The following BUD13 variants were observed in gnomAD, a reference collection of about 807,000 sequenced individuals.
The protein encoded by BUD13 is BUD13 spliceosome associated protein.
A neutral mutation model predicts 62.5 loss-of-function variants in BUD13; 47 were observed. The observed-to-expected ratio is 0.75, with a 90% confidence interval of 0.60 to 0.96. The LOEUF (loss-of-function observed/expected upper bound fraction) is 0.96, where lower values mean the gene tolerates loss of function less well. Among genes scored for constraint, BUD13 ranks in the 40% least tolerant of loss-of-function variants. BUD13 has a pLI of 0.00. For missense variants in BUD13, 821 were observed against 790.9 expected, an observed-to-expected ratio of 1.04 and a Z score of -0.46; for synonymous variants, 293 against 280.1, an observed-to-expected ratio of 1.05 and a Z score of -0.46.
Position 116,772,854 on chromosome 11 carries a change from C to A in BUD13, c.111G>T (p.Lys37Asn). The A allele has an allele frequency of 6.3e-7, 1 of 1,589,714 alleles. No individual in the cohort carries two copies. Among genetic ancestry groups the A allele is most frequent in the Non-Finnish European group, 8.5e-7 (1 of 1,169,978 alleles). Reference protein sequence around the residue: ...GSESGRKRRKKRPKPGGAGGK... With the variant: ...GSESGRKRRKNRPKPGGAGGK... ...CGCCGGCCCCGCCAGGCTTCGGCCG[C>A]TTTTTGCGACGCTTGCGACCGGACT... The change falls in exon 1 of 10, where the codon AAG (lysine) becomes AAT (asparagine). Residue 37 changes from lysine (K) to asparagine (N), a missense_variant. By Grantham distance (94) the Lys-to-Asn change is moderately conservative. This residue lies in a region of BUD13 where 800 missense variants were observed against 739.2 expected (regional missense o/e 1.08). Transcript: ENST00000260210.
rs1426918984 is a variant in BUD13, at chr11:116,763,331, CCA to C, written c.323-67_323-66del. On this transcript the variant is annotated intron_variant, in intron 3 of 9. Coordinates refer to ENST00000260210, the MANE Select transcript of BUD13 (RefSeq NM_032725.4). ...TCTGTCCCTCTGTCCACCCCCACAC[CCA>C]GTTTCAAAAGATGCTCCAGTAGCAC... 5 of 1,427,190 alleles carry C rather than the reference CCA, an allele frequency of 3.5e-6. No individual in the cohort carries two copies. In the African/African-American group the frequency reaches 5.7e-5, roughly 16 times the overall value. The allele number at this position is 1,427,190 out of a possible 1,614,324, so 88.4% of individuals were successfully genotyped here.
At position 116,764,269 on chromosome 11, in the gene BUD13, G is replaced by A. The variant is rs1354963174; in HGVS notation, c.323-1003C>T. The stretch of plus-strand genomic sequence containing the variant: ...ACAGCCCAAATACAAATAAAAGCTG[G>A]GTAGGAACTGATGAATACTTGTTAA... On this transcript the variant is annotated intron_variant, in intron 3 of 9. Coordinates refer to ENST00000260210, the MANE Select transcript of BUD13 (RefSeq NM_032725.4). Among the ~76,000 whole-genome samples the A allele has an allele frequency of 3.3e-5, 5 of 152,232 alleles. No homozygotes were observed. The South Asian group carries it at 8.3e-4, about 25-fold the overall frequency.
chr11:116,772,055 T>A (rs1940639834), intron 1 of BUD13, among the ~76,000 whole-genome samples: 1 of 152,236 alleles, frequency 6.6e-6, no homozygotes, highest in South Asian at 2.1e-4. Context: ...TTTTCCTTTG[T>A]TGCTGTGTCT....
At chr11:116,768,311 A>C (rs527963142) in intron 2 of BUD13, among the ~76,000 whole-genome samples, 167 of 152,316 alleles carry the variant, frequency 1.1e-3, no homozygotes, top group African/African-American at 4.0e-3. Context: ...ATACACTCAA[A>C]GAATATTTTA....
chr11:116,765,306 G>GA, intron 3 of BUD13, 56 bp downstream of exon 3: 1 of 1,555,006 alleles, frequency 6.4e-7, no homozygotes, highest in Non-Finnish European at 8.8e-7. Context: ...TATAGAAAAG[G>GA]AAAAAAGATC....
At chr11:116,766,744 G>A (rs556194967) in intron 2 of BUD13, among the ~76,000 whole-genome samples, 11 of 152,224 alleles carry the variant, frequency 7.2e-5, no homozygotes, top group African/African-American at 2.4e-4. Context: ...CATCATAATC[G>A]TTTTACCATT....
intron 9 of BUD13, among the ~76,000 whole-genome samples, chr11:116,754,139 T>C (rs1416586408): frequency 6.6e-6 from 1 of 152,212 alleles, no homozygotes; most frequent in Non-Finnish European, 1.5e-5. Flanking sequence ...TCGACCTCCC[T>C]GGGCTCAGTG....
chr11:116,770,904 C>T (rs1940616018), intron 1 of BUD13, among the ~76,000 whole-genome samples: 1 of 152,122 alleles, frequency 6.6e-6, no homozygotes, highest in South Asian at 2.1e-4. Context: ...AGTTATTCTC[C>T]CTACTCAGTC....
chr11:116,762,942 C>T lies in BUD13; in HGVS notation c.647G>A (p.Arg216Lys), dbSNP rs760983501. The T allele has an allele frequency of 1.3e-5, 21 of 1,614,010 alleles. No homozygotes were observed. The highest frequency in any genetic ancestry group is 1.8e-5 in the Non-Finnish European group (21 of 1,179,966). Residue 216 changes from arginine (R) to lysine (K), a missense_variant, in exon 4 of 10, where the codon AGG becomes AAG. By Grantham distance (26) the Arg-to-Lys change is conservative (BLOSUM62 2). This residue lies in a region of BUD13 where 800 missense variants were observed against 739.2 expected (regional missense o/e 1.08). Coordinates refer to ENST00000260210, the MANE Select transcript of BUD13 (RefSeq NM_032725.4). The stretch of plus-strand genomic sequence containing the variant: ...ATCTGGTGAATCATGACGGACTCTC[C>T]TAGGAGATGCACCTGAAGAATTATG... ...PQHNSSGASPRRVRHDSPDPS... is the reference protein window; with the variant it reads ...PQHNSSGASPKRVRHDSPDPS...
intron 5 of BUD13, 165 bp downstream of exon 5, chr11:116,760,570 C>A: frequency 1.5e-6 from 1 of 681,550 alleles, no homozygotes; most frequent in Non-Finnish European, 2.5e-6. Context: ...TGGGTTATAG[C>A]CAGTTTGCCT....
rs532088210 is a variant in BUD13, at chr11:116,767,607, A to G, written c.238-2161T>C. On this transcript the variant is annotated intron_variant, in intron 2 of 9. Coordinates refer to ENST00000260210, the MANE Select transcript of BUD13 (RefSeq NM_032725.4). The stretch of plus-strand genomic sequence containing the variant: ...GACTCCACCAAAAAAAAAAAAAAAA[A>G]AAAAAGAAACTGGATACCATTACTC... 7.1e-4 allele frequency among the ~76,000 whole-genome samples: 107 copies of G among 151,430 alleles called. 1 individual carries two copies. The East Asian group carries it at 0.02, about 29-fold the overall frequency.
chr11:116,758,559 C>A, intron 6 of BUD13, 152 bp from the exon 7 acceptor site: 1 of 661,766 alleles, frequency 1.5e-6, no homozygotes, highest in Non-Finnish European at 2.4e-6. Context: ...CATATTGGCA[C>A]TGGGCCCAAG....
At chr11:116,765,082 T>C (rs1425000569) in intron 3 of BUD13, among the ~76,000 whole-genome samples, 1 of 152,232 alleles carries the variant, frequency 6.6e-6, no homozygotes, top group Non-Finnish European at 1.5e-5. Context: ...AGTGCTCTCC[T>C]ATTCTGAGTC....
At chr11:116,762,341 T>G (rs965514964) in intron 4 of BUD13, among the ~76,000 whole-genome samples, 1 of 152,230 alleles carries the variant, frequency 6.6e-6, no homozygotes, top group African/African-American at 2.4e-5. Flanking sequence ...AAATAAATTG[T>G]ACTTTTATAT....
At chr11:116,753,264 G>A (rs535467557) in intron 9 of BUD13, among the ~76,000 whole-genome samples, 14 of 152,216 alleles carry the variant, frequency 9.2e-5, no homozygotes, top group South Asian at 6.2e-4. Flanking sequence ...AATTAGGGGG[G>A]AAATCTTGGA....
At chr11:116,757,994 T>C in intron 7 of BUD13, 44 bp from the exon 8 acceptor site, 12 of 1,604,786 alleles carry the variant, frequency 7.5e-6, no homozygotes, top group South Asian at 1.1e-5. Context: ...CTGTATGACA[T>C]TTCCACTTCT....
chr11:116,757,815 C>A lies in BUD13; in HGVS notation c.1635G>T (p.Met545Ile). Residue 545 changes from methionine to isoleucine, a missense_variant, in exon 8 of 10, where the codon ATG becomes ATT. This residue lies in a region of BUD13 where 800 missense variants were observed against 739.2 expected (regional missense o/e 1.08). Transcript: ENST00000260210. The part of the protein sequence containing the change: ...LREQEREGDP[M>I]ANFIKKNKAK... ...CCTTATTCTTCTTGATGAAGTTGGC[C>A]ATAGGGTCCCCCTCTCTTTCCTGTT... The A allele has an allele frequency of 6.2e-7, 1 of 1,614,022 alleles. No homozygotes were observed. The highest frequency in any genetic ancestry group is 8.5e-7 in the Non-Finnish European group (1 of 1,179,990).
intron 9 of BUD13, among the ~76,000 whole-genome samples, chr11:116,752,850 T>TA (rs1940261394): frequency 6.6e-6 from 1 of 152,126 alleles, no homozygotes; most frequent in Non-Finnish European, 1.5e-5. Context: ...AGCCTGGACT[T>TA]AAACTCCTGG....
At chr11:116,748,735 C>A (rs1940182177) in intron 9 of BUD13, among the ~76,000 whole-genome samples, 160 bp from the exon 10 acceptor site, 1 of 152,080 alleles carries the variant, frequency 6.6e-6, no homozygotes, top group South Asian at 2.1e-4. Context: ...CGCCTGTAAT[C>A]CCAGCACTTT....
Sources: gnomAD v4.1 joint callset for allele counts (sites outside exome capture counted in the v4.1 genomes callset) on GRCh38, gnomAD v4.1.1 for gene constraint, gnomAD v4.1.1 regional missense constraint, MANE v1.5 for transcripts, NCBI Gene and HGNC (gene_info 2026-07-23, HGNC 2026-07-21) for gene names.